Variants in ZCCHC17 observed in about 807,000 individuals in gnomAD.
The protein encoded by ZCCHC17 is zinc finger CCHC domain-containing protein 17.
A neutral mutation model predicts 30.6 loss-of-function variants in ZCCHC17; 18 were observed. The observed-to-expected ratio is 0.59, with a 90% CI of 0.41 to 0.87. The LOEUF is 0.87. ZCCHC17 is among the 40% of genes least tolerant of loss of function. The probability of loss-of-function intolerance (pLI) is 0.00; values close to 1 mark genes in which losing one functional copy is unlikely to be tolerated. For missense variants in ZCCHC17, 263 were observed against 284.2 expected (o/e 0.93, Z 0.54); for synonymous variants, 88 against 92.4 (o/e 0.95, Z 0.27).
intron 7 of ZCCHC17, among the ~76,000 whole-genome samples, chr1:31,358,462 C>T (rs1224414543): frequency 6.6e-6 from 1 of 152,114 alleles, no homozygotes; most frequent in Non-Finnish European, 1.5e-5. Flanking sequence ...GATAGATAAT[C>T]CAGATGATGG....
chr1:31,334,757 A>G (rs1447808621), intron 3 of ZCCHC17, among the ~76,000 whole-genome samples: 6 of 152,182 alleles, frequency 3.9e-5, no homozygotes, highest in African/African-American at 1.4e-4. Context: ...TTTACTAAAG[A>G]AGGAATTATT....
At chr1:31,320,096 A>C (rs1455587222) in intron 3 of ZCCHC17, among the ~76,000 whole-genome samples, 1 of 152,192 alleles carries the variant, frequency 6.6e-6, no homozygotes, top group Non-Finnish European at 1.5e-5. Context: ...TTGGTACTAT[A>C]GTAAAAGATA....
chr1:31,355,924 G>A (rs1211099089), intron 7 of ZCCHC17, among the ~76,000 whole-genome samples: 2 of 152,042 alleles, frequency 1.3e-5, no homozygotes, highest in Non-Finnish European at 2.9e-5. Flanking sequence ...GGCTTTTTTG[G>A]TGTGTGAGTG....
At chr1:31,330,095 C>T (rs115552871) in intron 3 of ZCCHC17, among the ~76,000 whole-genome samples, 3,976 of 152,176 alleles carry the variant, frequency 0.026, 66 homozygotes, top group Middle Eastern at 0.051. Context: ...GTAACAGTGA[C>T]CTTTTGTTTT....
chr1:31,309,721 C>G (rs900460875), intron 1 of ZCCHC17, among the ~76,000 whole-genome samples: 1 of 152,014 alleles, frequency 6.6e-6, no homozygotes, highest in Non-Finnish European at 1.5e-5. Context: ...TTTTTGAGAT[C>G]CGGTCAAACA....
chr1:31,355,544 A>G (rs1423372136), intron 7 of ZCCHC17, among the ~76,000 whole-genome samples: 2 of 152,238 alleles, frequency 1.3e-5, no homozygotes, highest in South Asian at 2.1e-4. Flanking sequence ...TCACACAAAT[A>G]TAAGAGATAA....
chr1:31,332,152 G>A (rs1557442410), intron 3 of ZCCHC17, among the ~76,000 whole-genome samples: 1 of 152,170 alleles, frequency 6.6e-6, no homozygotes, highest in African/African-American at 2.4e-5. Context: ...TAATAAACTG[G>A]TGTGTGTCTC....
At chr1:31,344,951 C>T (rs1639187034) in intron 5 of ZCCHC17, among the ~76,000 whole-genome samples, 1 of 151,534 alleles carries the variant, frequency 6.6e-6, no homozygotes, top group Non-Finnish European at 1.5e-5. Context: ...CTCAATCTTG[C>T]AGGCTTAAGT....
Position 31,321,237 on chromosome 1 carries a change from CA to C in ZCCHC17, c.124+2072del, listed in dbSNP as rs1646853114. 3.9e-5 allele frequency among the ~76,000 whole-genome samples: 6 copies of C among 152,142 alleles called. No individual in the cohort carries two copies. The South Asian group carries it at 1.2e-3, about 32-fold the overall frequency. On this transcript the variant is annotated intron_variant, in intron 3 of 7. Coordinates refer to ENST00000344147, the MANE Select transcript of ZCCHC17 (RefSeq NM_016505.4). ...CCCCATCCTGTTCTCATCATAGTAA[CA>C]CAAGATCTGATGGTTTTATAAGGGG...
intron 6 of ZCCHC17, 94 bp from the exon 7 acceptor site, chr1:31,348,735 A>C: frequency 6.8e-7 from 1 of 1,460,166 alleles, no homozygotes; most frequent in Non-Finnish European, 9.6e-7. Flanking sequence ...TTCCTGAGCC[A>C]GCTAGCCCAT....
intron 1 of ZCCHC17, among the ~76,000 whole-genome samples, chr1:31,297,766 CT>C (rs1323654433): frequency 1.4e-4 from 21 of 152,324 alleles, no homozygotes; most frequent in African/African-American, 4.8e-4. Flanking sequence ...GCGCTGGTAG[CT>C]GCAGGAAGTG....
intron 1 of ZCCHC17, among the ~76,000 whole-genome samples, chr1:31,304,856 A>G (rs1229093839): frequency 2.0e-5 from 3 of 152,176 alleles, no homozygotes; most frequent in African/African-American, 7.2e-5. Context: ...CAGCCTCCCA[A>G]AGTGCTGGGA....
At chr1:31,334,934 TTTCTTAGGACAGG>T (rs916115464) in intron 3 of ZCCHC17, among the ~76,000 whole-genome samples, 7 of 152,328 alleles carry the variant, frequency 4.6e-5, no homozygotes, top group Admixed American at 4.6e-4. Context: ...ATAAAGTTAT[TTTCTTAGGACAGG>T]TTCCCAGAAG....
At chr1:31,303,588 C>T (rs938907608) in intron 1 of ZCCHC17, among the ~76,000 whole-genome samples, 1 of 152,128 alleles carries the variant, frequency 6.6e-6, no homozygotes, top group Non-Finnish European at 1.5e-5. Flanking sequence ...TTAAACTTTT[C>T]ATTGCTTGGG....
At chr1:31,355,214 A>T (rs1453624041) in intron 7 of ZCCHC17, among the ~76,000 whole-genome samples, 1 of 151,324 alleles carries the variant, frequency 6.6e-6, no homozygotes, top group Non-Finnish European at 1.5e-5. Context: ...CTTTGTGTAT[A>T]TGAACTTCTA....
intron 2 of ZCCHC17, among the ~76,000 whole-genome samples, chr1:31,310,397 A>C (rs1337399003): frequency 6.6e-6 from 1 of 152,180 alleles, no homozygotes; most frequent in African/African-American, 2.4e-5. Flanking sequence ...TTTTAAAATG[A>C]ATTTATTTTT....
At chr1:31,337,634 A>G (rs1638873004) in intron 4 of ZCCHC17, among the ~76,000 whole-genome samples, 1 of 152,190 alleles carries the variant, frequency 6.6e-6, no homozygotes, top group Non-Finnish European at 1.5e-5. Flanking sequence ...TGCCAGATAC[A>G]CTTCAGTTTG....
At chr1:31,362,223 A>G (rs2148488025) in intron 7 of ZCCHC17, among the ~76,000 whole-genome samples, 1 of 152,352 alleles carries the variant, frequency 6.6e-6, no homozygotes, top group South Asian at 2.1e-4. Flanking sequence ...ACTCAGGTCC[A>G]GGTCTATCTA....
chr1:31,310,042 A>G lies in ZCCHC17; in HGVS notation c.-55-2A>G, dbSNP rs1465509780. ...AATTGGTGTCTGATTTCTTTATGAC[A>G]GGACACTTGTATTAGCTTTAATAGA... On this transcript the variant is annotated splice_acceptor_variant, in intron 1 of 7. Coordinates refer to ENST00000344147, the MANE Select transcript of ZCCHC17 (RefSeq NM_016505.4). LOFTEE classifies it low-confidence loss of function (5UTR_SPLICE). 1.3e-6 allele frequency: 2 copies of G among 1,560,564 alleles called. No individual in the cohort carries two copies. The highest frequency in any genetic ancestry group is 8.8e-7 in the Non-Finnish European group (1 of 1,137,398).
Sources: gnomAD v4.1 joint callset for allele counts (sites outside exome capture counted in the v4.1 genomes callset) on GRCh38, gnomAD v4.1.1 for gene constraint, MANE v1.5 for transcripts, NCBI Gene and HGNC (gene_info 2026-07-23, HGNC 2026-07-21) for gene names.